Variants in RGS5 observed in about 807,000 individuals in gnomAD.
RGS5 encodes the protein regulator of G protein signaling 5.
A neutral mutation model predicts 18.9 loss-of-function variants in RGS5; 20 were observed. That is an observed-to-expected ratio of 1.06 (90% confidence interval 0.74 to 1.54). The LOEUF (loss-of-function observed/expected upper bound fraction) is 1.54. Among genes scored for constraint, RGS5 ranks in the 40% most tolerant of loss-of-function variants. The probability of loss-of-function intolerance (pLI) is 0.00; values close to 1 mark genes in which losing one functional copy is unlikely to be tolerated. For synonymous variants in RGS5, 57 were observed against 76.2 expected (o/e 0.75, Z 1.31); for missense variants, 201 against 211.8 (o/e 0.95, Z 0.32).
intron 2 of RGS5, among the ~76,000 whole-genome samples, chr1:163,274,609 G>A (rs1648806398): frequency 6.6e-6 from 1 of 152,160 alleles, no homozygotes; most frequent in Non-Finnish European, 1.5e-5. Flanking sequence ...TAACTTGTTT[G>A]TCAGGATACC....
intron 2 of RGS5, among the ~76,000 whole-genome samples, chr1:163,164,870 C>G (rs1345822427): frequency 6.6e-6 from 1 of 152,148 alleles, no homozygotes; most frequent in Non-Finnish European, 1.5e-5. Flanking sequence ...TGCGCAGTGC[C>G]TGGCACATAC....
rs1299129295 is a variant in RGS5, at chr1:163,258,461, G to A, written c.-281+47772C>T. On this transcript the variant is annotated intron_variant, in intron 2 of 5. Transcript: ENST00000618415. ...CAAAACTGGTATTGTACACAGAGGC[G>A]GAAACATTTATATGTGATTTGGGAA... Among the ~76,000 whole-genome samples the A allele has an allele frequency of 2.0e-5, 3 of 152,048 alleles. No homozygotes were observed. The East Asian group carries it at 5.8e-4, about 29-fold the overall frequency.
upstream of RGS5, among the ~76,000 whole-genome samples, chr1:163,222,184 C>T (rs1164623429): frequency 6.6e-6 from 1 of 152,134 alleles, no homozygotes; most frequent in Non-Finnish European, 1.5e-5. Flanking sequence ...AGGAACCAGG[C>T]CACAGACCAG....
At chr1:163,169,890 G>A (rs894415433) in intron 1 of RGS5, among the ~76,000 whole-genome samples, 17 of 152,124 alleles carry the variant, frequency 1.1e-4, no homozygotes, top group Non-Finnish European at 2.2e-4. Context: ...TGATAAATGA[G>A]TACTAATTGC....
intron 1 of RGS5, among the ~76,000 whole-genome samples, chr1:163,310,292 A>C (rs1649818898): frequency 6.6e-6 from 1 of 152,188 alleles, no homozygotes; most frequent in African/African-American, 2.4e-5. Flanking sequence ...CTAGCTATGA[A>C]AGTCCTTAGA....
intron 2 of RGS5, among the ~76,000 whole-genome samples, chr1:163,242,127 G>A (rs958716398): frequency 1.3e-5 from 2 of 152,134 alleles, no homozygotes; most frequent in Admixed American, 6.5e-5. Context: ...TTTCATTCAT[G>A]TCTTATAGAT....
intron 2 of RGS5, among the ~76,000 whole-genome samples, chr1:163,290,653 CA>C (rs66595263): frequency 0.38 from 48,976 of 128,468 alleles, 8,323 homozygotes; most frequent in African/African-American, 0.4. Flanking sequence ...CAGCTCATAC[CA>C]AAAAAAAAAA....
chr1:163,226,932 T>C (rs775886633), intron 2 of RGS5, among the ~76,000 whole-genome samples: 6 of 152,204 alleles, frequency 3.9e-5, no homozygotes, highest in Non-Finnish European at 8.8e-5. Context: ...TTGGACATTT[T>C]TAAAAATGAT....
chr1:163,170,976 A>C (rs767989849), intron 1 of RGS5, among the ~76,000 whole-genome samples: 3 of 152,204 alleles, frequency 2.0e-5, no homozygotes, highest in African/African-American at 2.4e-5. Flanking sequence ...ACTTTTTGAG[A>C]TGATTAAATA....
chr1:163,291,157 G>GA (rs982580137), intron 2 of RGS5, among the ~76,000 whole-genome samples: 2 of 151,114 alleles, frequency 1.3e-5, no homozygotes, highest in Admixed American at 1.3e-4. Flanking sequence ...GTTCTCTGTA[G>GA]AATCATAAAA....
At chr1:163,210,148 C>T (rs921793966) in intron 1 of RGS5, among the ~76,000 whole-genome samples, 11 of 147,830 alleles carry the variant, frequency 7.4e-5, no homozygotes, top group African/African-American at 2.0e-4. Flanking sequence ...CACCACCACG[C>T]CCAACTAATT....
At chr1:163,312,366 C>T (rs1275315246) in intron 1 of RGS5, among the ~76,000 whole-genome samples, 1 of 152,028 alleles carries the variant, frequency 6.6e-6, no homozygotes, top group Admixed American at 6.6e-5. Flanking sequence ...CGGACTAATA[C>T]AATAATTATG....
intron 1 of RGS5, among the ~76,000 whole-genome samples, chr1:163,208,147 AAGAT>A (rs1435205840): frequency 1.3e-5 from 2 of 151,900 alleles, no homozygotes; most frequent in African/African-American, 4.8e-5. Flanking sequence ...GTTTTTAAGA[AAGAT>A]AGCCAGGCAA....
intron 1 of RGS5, among the ~76,000 whole-genome samples, chr1:163,216,125 A>C (rs769083628): frequency 8.5e-5 from 13 of 152,140 alleles, no homozygotes; most frequent in African/African-American, 2.7e-4. Flanking sequence ...AAAATTAAAC[A>C]GTTTTTTTCA....
intron 1 of RGS5, chr1:163,172,434 C>T: frequency 9.6e-7 from 1 of 1,036,818 alleles, no homozygotes. Flanking sequence ...CAGTACCCTA[C>T]TACTATTTTA....
Position 163,202,859 on chromosome 1 carries a change from C to A in RGS5, c.-24G>T. 6.2e-7 allele frequency: 1 copy of A among 1,611,628 alleles called. No homozygotes were observed. The highest frequency in any genetic ancestry group is 8.5e-7 in the Non-Finnish European group (1 of 1,178,268). On this transcript the variant is annotated 5_prime_UTR_variant, in exon 1 of 5. Coordinates refer to ENST00000313961, the MANE Select transcript of RGS5 (RefSeq NM_003617.4). ...ATTTTGGCAGGTGGCTTAGCTCCTC[C>A]GCTTTAAGTACAACTTCTTAACAGC...
At chr1:163,194,313 A>T (rs927348469) in intron 1 of RGS5, among the ~76,000 whole-genome samples, 1 of 152,198 alleles carries the variant, frequency 6.6e-6, no homozygotes, top group African/African-American at 2.4e-5. Context: ...AATTGATTGC[A>T]TCTTTTAAGC....
chr1:163,292,289 G>A (rs532207541), intron 2 of RGS5, among the ~76,000 whole-genome samples: 43 of 152,190 alleles, frequency 2.8e-4, no homozygotes, highest in Admixed American at 7.2e-4. Context: ...CTGTTCTTGC[G>A]TTAGTTTACT....
At chr1:163,306,370 C>T (rs1294259076) in intron 1 of RGS5, 1 of 152,196 alleles carries the variant, frequency 6.6e-6, no homozygotes, top group East Asian at 1.9e-4. Flanking sequence ...CAGCATGTTG[C>T]ACTCAAAGAG....
Sources: gnomAD v4.1 joint callset for allele counts (sites outside exome capture counted in the v4.1 genomes callset) on GRCh38, gnomAD v4.1.1 for gene constraint, MANE v1.5 for transcripts, NCBI Gene and HGNC (gene_info 2026-07-23, HGNC 2026-07-21) for gene names.